The following TFEC variants were observed in gnomAD, a reference collection of about 807,000 sequenced individuals.
The protein encoded by TFEC is class E basic helix-loop-helix protein 34.
A neutral mutation model predicts 41.6 loss-of-function variants in TFEC; 31 were observed. The observed-to-expected ratio is 0.74, with a 90% CI of 0.56 to 1.01. TFEC has a LOEUF of 1.01. TFEC is among the 50% of genes least tolerant of loss of function. The pLI is 0.00. For missense variants in TFEC, 402 were observed against 404.1 expected, an observed-to-expected ratio of 0.99 and a Z score of 0.04; for synonymous variants, 143 against 140.6, an observed-to-expected ratio of 1.02 and a Z score of -0.12.
chr7:115,956,890 T>C, intron 3 of TFEC, 97 bp from the exon 4 acceptor site: 1 of 678,856 alleles, frequency 1.5e-6, no homozygotes, highest in Non-Finnish European at 2.1e-6. Context: ...AAATGTGGCA[T>C]TTTGTTAATA....
At chr7:116,111,189 T>TAAC (rs1450573828) in intron 2 of TFEC, among the ~76,000 whole-genome samples, 3 of 151,700 alleles carry the variant, frequency 2.0e-5, no homozygotes, top group African/African-American at 7.3e-5. Context: ...CTGACTTTGT[T>TAAC]ATTCTGAGCA....
At chr7:116,011,690 G>T (rs892223575) in intron 1 of TFEC, among the ~76,000 whole-genome samples, 3 of 152,112 alleles carry the variant, frequency 2.0e-5, no homozygotes, top group Non-Finnish European at 4.4e-5. Flanking sequence ...ATCTCATGCT[G>T]AAACATGACC....
intron 1 of TFEC, among the ~76,000 whole-genome samples, chr7:116,001,613 C>T (rs889242571): frequency 6.6e-6 from 1 of 151,768 alleles, no homozygotes; most frequent in African/African-American, 2.4e-5. Flanking sequence ...TAATATCCCA[C>T]AAGCACAGGC....
At chr7:115,951,031 T>G in intron 5 of TFEC, 82 bp from the exon 6 acceptor site, 1 of 775,628 alleles carries the variant, frequency 1.3e-6, no homozygotes, top group Non-Finnish European at 1.9e-6. Context: ...TTAACAATCT[T>G]TTAAAAACAA....
In TFEC at chr7:115,958,165, G is replaced by C. The variant is rs1293881025; in HGVS notation, c.268-1372C>G. 2.6e-5 allele frequency among the ~76,000 whole-genome samples: 4 copies of C among 151,740 alleles called. No individual in the cohort carries two copies. The East Asian group carries it at 5.8e-4, about 22-fold the overall frequency. Reference sequence around the variant, plus strand: ...AGGGAGCTATAAAAGCCACCTATTGGAGTCATCAGCTATTTCTCCTCAATT... The same window carrying C: ...AGGGAGCTATAAAAGCCACCTATTGCAGTCATCAGCTATTTCTCCTCAATT... On this transcript the variant is annotated intron_variant, in intron 3 of 7. Coordinates refer to ENST00000265440, the MANE Select transcript of TFEC (RefSeq NM_012252.4).
intron 3 of TFEC, among the ~76,000 whole-genome samples, chr7:116,080,491 C>T (rs1340692917): frequency 6.6e-6 from 1 of 151,610 alleles, no homozygotes; most frequent in Non-Finnish European, 1.5e-5. Flanking sequence ...AAACAAAAAA[C>T]AACAACAACA....
intron 1 of TFEC, among the ~76,000 whole-genome samples, chr7:116,002,771 T>C (rs769924019): frequency 3.6e-4 from 55 of 152,302 alleles, no homozygotes; most frequent in Admixed American, 1.6e-3. Context: ...TATCAAAATA[T>C]TTTATGTACC....
intron 1 of TFEC, among the ~76,000 whole-genome samples, chr7:116,125,956 G>C (rs1798201102): frequency 1.3e-5 from 2 of 152,142 alleles, no homozygotes; most frequent in Non-Finnish European, 2.9e-5. Flanking sequence ...GTACAGGACA[G>C]CAAGGAGAGC....
rs186300733 is a variant in TFEC at position 115,994,058 on chromosome 7, T to C, written c.-72-9545A>G. 2.0e-3 allele frequency among the ~76,000 whole-genome samples: 299 copies of C among 152,250 alleles called. 1 individual carries two copies. Among genetic ancestry groups the C allele is most frequent in the Admixed American group, 3.3e-3 (50 of 15,298 alleles). On this transcript the variant is annotated intron_variant, in intron 1 of 7. Transcript: ENST00000265440. ...GCCCTCAGAAATAATACCACACATC[T>C]ACAACCATCTGATCTTTGACAAAAC...
intron 3 of TFEC, among the ~76,000 whole-genome samples, chr7:116,108,424 T>G (rs1797769692): frequency 6.6e-6 from 1 of 152,158 alleles, no homozygotes; most frequent in Admixed American, 6.5e-5. Context: ...ACCACACCAA[T>G]GGTGCAAGCT....
chr7:115,979,161 C>T (rs1420605699), intron 2 of TFEC, among the ~76,000 whole-genome samples: 1 of 152,126 alleles, frequency 6.6e-6, no homozygotes, highest in African/African-American at 2.4e-5. Context: ...ACTTCTCCCT[C>T]TATATAGCTG....
At chr7:116,055,970 A>G (rs1368895360) in intron 3 of TFEC, among the ~76,000 whole-genome samples, 1 of 152,258 alleles carries the variant, frequency 6.6e-6, no homozygotes, top group East Asian at 1.9e-4. Flanking sequence ...ATAATTCTTG[A>G]TAACATATTA....
chr7:116,063,963 G>A (rs933670465), intron 3 of TFEC, among the ~76,000 whole-genome samples: 7 of 152,176 alleles, frequency 4.6e-5, no homozygotes, highest in African/African-American at 1.7e-4. Flanking sequence ...TGTACCCAAA[G>A]TGAAATAAGC....
chr7:116,080,391 G>A (rs939575146), intron 3 of TFEC, among the ~76,000 whole-genome samples: 1 of 152,136 alleles, frequency 6.6e-6, no homozygotes, highest in Non-Finnish European at 1.5e-5. Flanking sequence ...ACAACCCACA[G>A]AGTGGGAGAA....
intron 3 of TFEC, among the ~76,000 whole-genome samples, chr7:116,084,584 T>C (rs1797161152): frequency 6.6e-6 from 1 of 151,902 alleles, no homozygotes; most frequent in Non-Finnish European, 1.5e-5. Context: ...CTAACTCCAA[T>C]ATTACCAGGA....
intron 2 of TFEC, among the ~76,000 whole-genome samples, chr7:115,982,373 C>T (rs1255590854): frequency 6.6e-6 from 1 of 152,184 alleles, no homozygotes; most frequent in African/African-American, 2.4e-5. Flanking sequence ...CTATACTATA[C>T]TGACTATATC....
rs59519535 is a variant in TFEC at position 116,108,121 on chromosome 7, A to C, written c.198+2587T>G. 3.2e-3 allele frequency among the ~76,000 whole-genome samples: 494 copies of C among 152,318 alleles called. 5 individuals are homozygous for C. The highest frequency in any genetic ancestry group is 0.011 in the African/African-American group (477 of 41,578). ...AATAAAAACTGCAAGCACTAAATAG[A>C]AAAATGTAATGAAGTTAGAAATAAT... On this transcript the variant is annotated intron_variant, in intron 3 of 8. Coordinates refer to the TFEC transcript ENST00000484212.
chr7:115,950,933 CCTT>C lies in TFEC; in HGVS notation c.453_455del (p.Arg152del), dbSNP rs1360168882. 5 of 1,592,370 alleles carry C rather than the reference CCTT, an allele frequency of 3.1e-6. No homozygotes were observed. Among genetic ancestry groups the C allele is most frequent in the South Asian group, 2.3e-5 (2 of 88,544 alleles). On this transcript the variant is annotated inframe_deletion, in exon 6 of 8. Transcript: ENST00000265440. ...CCTTGATTCGGTAATTAATATTATA[CCTT>C]CTTCTTCTTTCAACTATTAAAGAAG...
intron 3 of TFEC, among the ~76,000 whole-genome samples, chr7:116,084,981 C>T (rs1797170223): frequency 6.6e-6 from 1 of 151,694 alleles, no homozygotes; most frequent in Admixed American, 6.6e-5. Context: ...TGTCAGAAGA[C>T]CAACATATAA....
Sources: allele counts gnomAD v4.1 joint callset (sites outside exome capture counted in the v4.1 genomes callset), GRCh38; gene constraint gnomAD v4.1.1; transcripts MANE v1.5; gene names NCBI Gene and HGNC (gene_info 2026-07-23, HGNC 2026-07-21).